LMCD1: variants seen among roughly 807,000 people sequenced by gnomAD.
The protein encoded by LMCD1 is LIM and cysteine-rich domains protein 1.
Under a neutral mutation model 42.7 loss-of-function variants are expected in LMCD1, and 32 were observed. That is an observed-to-expected ratio of 0.75 (90% CI 0.57 to 1.01). The LOEUF is 1.01. LMCD1 is among the 50% of genes least tolerant of loss of function. The pLI, the probability that LMCD1 is intolerant of heterozygous loss-of-function variation, is 0.00. For synonymous variants in LMCD1, 178 were observed against 184.9 expected, an observed-to-expected ratio of 0.96 and a Z score of 0.30; for missense variants, 458 against 483.1, an observed-to-expected ratio of 0.95 and a Z score of 0.49.
At position 8,565,641 on chromosome 3, in the gene LMCD1, C is replaced by T. The variant is rs904775344; in HGVS notation, c.933C>T (p.Cys311=). Residue 311 remains cysteine, a synonymous_variant, in exon 5 of 6, where the codon TGC becomes TGT. Transcript: ENST00000157600. ...CESLRPRCSG[C]DEIIFAEDYQ... ...GTCTGCGGCCCCGGTGCTCCGGCTG[C>T]GATGAGGTGGGAGATAGCCGCGAGA... 1.9e-5 allele frequency: 31 copies of T among 1,596,256 alleles called. No individual in the cohort carries two copies. Among genetic ancestry groups the T allele is most frequent in the Non-Finnish European group, 2.6e-5 (31 of 1,171,848 alleles).
chr3:8,543,011 A>G (rs1694656557), intron 3 of LMCD1, among the ~76,000 whole-genome samples: 1 of 152,224 alleles, frequency 6.6e-6, no homozygotes, highest in African/African-American at 2.4e-5. Flanking sequence ...GAGCCGAATC[A>G]GCCTGGATGG....
chr3:8,567,744 T>G lies in LMCD1; in HGVS notation c.*146T>G. 5.2e-5 allele frequency: 30 copies of G among 579,568 alleles called. No homozygotes were observed. Among genetic ancestry groups the G allele is most frequent in the Non-Finnish European group, 7.5e-5 (27 of 361,154 alleles). 35.9% of individuals were successfully genotyped at this position (579,568 alleles called of 1,614,324 possible). On this transcript the variant is annotated 3_prime_UTR_variant, in exon 6 of 6. Transcript: ENST00000157600. Reference sequence around the variant, plus strand: ...TTTCAGTGAGAATATATATATGAGATATATATAGATATATATTCTAGGTTG... The same window carrying G: ...TTTCAGTGAGAATATATATATGAGAGATATATAGATATATATTCTAGGTTG...
chr3:8,536,701 G>C (rs943592248), intron 2 of LMCD1, among the ~76,000 whole-genome samples: 1 of 152,130 alleles, frequency 6.6e-6, no homozygotes, highest in Admixed American at 6.5e-5. Context: ...CATATTTTAG[G>C]CTTTGTAAGC....
At chr3:8,510,432 T>C (rs750011451) in intron 1 of LMCD1, among the ~76,000 whole-genome samples, 6 of 152,214 alleles carry the variant, frequency 3.9e-5, no homozygotes, top group Non-Finnish European at 8.8e-5. Context: ...TGTTAGTGAA[T>C]AGAGGACAGC....
Position 8,547,360 on chromosome 3 carries a change from C to T in LMCD1, c.388-1208C>T, listed in dbSNP as rs187538102. Among the ~76,000 whole-genome samples, 623 of 152,322 alleles carry T rather than the reference C, an allele frequency of 4.1e-3. 4 individuals are homozygous for T. Among genetic ancestry groups the T allele is most frequent in the Middle Eastern group, 6.8e-3 (2 of 294 alleles). ...AAATAGCATTTAAATACATTAAGTA[C>T]AACCCTACTTGTTATTTGTTCCAGG... On this transcript the variant is annotated intron_variant, in intron 3 of 5. Transcript: ENST00000157600.
intron 1 of LMCD1, among the ~76,000 whole-genome samples, chr3:8,509,119 T>C (rs761007646): frequency 1.3e-4 from 20 of 152,238 alleles, no homozygotes; most frequent in Non-Finnish European, 2.5e-4. Context: ...ATAAAGTGCC[T>C]GGATACATAA....
rs1695265404 is a variant in LMCD1 at position 8,574,218 on chromosome 3, T to A, written c.*6620T>A. 6.6e-6 allele frequency: 1 copy of A among 152,220 alleles called. No individual in the cohort carries two copies. The highest frequency in any genetic ancestry group is 6.5e-5 in the Admixed American group (1 of 15,270). The allele number at this position is 152,220 out of a possible 1,614,324, so 9.4% of individuals were successfully genotyped here. A position where few individuals can be genotyped will look rare whatever the true frequency, so the allele number is the denominator to read the frequency against. Reference sequence around the variant, plus strand: ...ACTTTGATCAGCCAACAAGGGTCAGTCCTATGCTTATCCCTTGACCAATCT... The same window carrying A: ...ACTTTGATCAGCCAACAAGGGTCAGACCTATGCTTATCCCTTGACCAATCT... On this transcript the variant is annotated 3_prime_UTR_variant, in exon 6 of 6. Coordinates refer to ENST00000157600, the MANE Select transcript of LMCD1 (RefSeq NM_014583.4).
chr3:8,569,946 C>T lies in LMCD1; in HGVS notation c.*2348C>T. On this transcript the variant is annotated 3_prime_UTR_variant, in exon 6 of 6. Coordinates refer to ENST00000157600, the MANE Select transcript of LMCD1 (RefSeq NM_014583.4). ...AGTGAGCTGTGATCATGCCACAGCA[C>T]TCCAGCCTGGGTGACAGAGTGAGAC... The T allele has an allele frequency of 6.3e-6, 1 of 157,764 alleles. No homozygotes were observed. The allele number at this position is 157,764 out of a possible 1,614,324, so 9.8% of individuals were successfully genotyped here.
chr3:8,537,435 A>C lies in LMCD1; in HGVS notation c.382A>C (p.Lys128Gln), dbSNP rs1163656782. 2 of 1,578,370 alleles carry C rather than the reference A, an allele frequency of 1.3e-6. No individual in the cohort carries two copies. Residue 128 changes from lysine to glutamine, a missense_variant, in exon 3 of 6, where the codon AAA (lysine) becomes CAA (glutamine). By Grantham distance (53) the Lys-to-Gln change is moderately conservative (BLOSUM62 1). Transcript: ENST00000157600. The part of the protein sequence containing the change: ...YEWAPPGVTQ[K>Q]LGLQYMELIP... ...GTGGGCTCCCCCTGGAGTCACCCAG[A>C]AACTGGTAAGAGAGCTTCCCCAACC...
intron 1 of LMCD1, among the ~76,000 whole-genome samples, chr3:8,511,850 A>G (rs865977632): frequency 1.3e-5 from 2 of 152,126 alleles, no homozygotes; most frequent in Admixed American, 6.5e-5. Flanking sequence ...GCACATAGAA[A>G]ACTTCTCATG....
At chr3:8,513,930 G>A (rs577944745) in intron 1 of LMCD1, among the ~76,000 whole-genome samples, 1 of 152,228 alleles carries the variant, frequency 6.6e-6, no homozygotes, top group Non-Finnish European at 1.5e-5. Flanking sequence ...CTGATCCCCA[G>A]ACAAACCCTG....
chr3:8,543,436 TAGATAGACAGAC>T (rs1694672386), intron 3 of LMCD1, among the ~76,000 whole-genome samples: 5 of 136,772 alleles, frequency 3.7e-5, no homozygotes, highest in Admixed American at 7.1e-5. Context: ...GATAGATAGA[TAGATAGACAGAC>T]AGACAGAGAG....
intron 1 of LMCD1, among the ~76,000 whole-genome samples, chr3:8,528,822 G>T (rs535846432): frequency 6.6e-6 from 1 of 152,078 alleles, no homozygotes; most frequent in Non-Finnish European, 1.5e-5. Context: ...TGAGAGAGGA[G>T]TCCCAGAGTT....
chr3:8,525,971 T>C (rs1694292410), intron 1 of LMCD1, among the ~76,000 whole-genome samples: 1 of 152,214 alleles, frequency 6.6e-6, no homozygotes, highest in Non-Finnish European at 1.5e-5. Flanking sequence ...AGCCCCTCGA[T>C]ACTCAAAGCG....
chr3:8,532,624 C>A, intron 1 of LMCD1, 113 bp from the exon 2 acceptor site: 1 of 807,694 alleles, frequency 1.2e-6, no homozygotes, highest in Non-Finnish European at 2.1e-6. Context: ...TGATCTCAAG[C>A]CCTTTGAACC....
chr3:8,534,208 C>G lies in LMCD1; in HGVS notation c.131+1383C>G, dbSNP rs146562228. On this transcript the variant is annotated intron_variant, in intron 2 of 5. Transcript: ENST00000157600. ...AGGGGAAAATGTTATCTAAATGCAC[C>G]CACCGAGTCAATTCAATCAGTTTTC... Among the ~76,000 whole-genome samples the G allele has an allele frequency of 6.1e-3, 925 of 151,634 alleles. 5 individuals carry two copies. Among genetic ancestry groups the G allele is most frequent in the Non-Finnish European group, 9.5e-3 (644 of 67,898 alleles).
At chr3:8,543,332 G>A (rs1338105706) in intron 3 of LMCD1, among the ~76,000 whole-genome samples, 1 of 151,876 alleles carries the variant, frequency 6.6e-6, no homozygotes, top group Non-Finnish European at 1.5e-5. Flanking sequence ...CCCAACCCTG[G>A]GGTATCCTGT....
intron 1 of LMCD1, among the ~76,000 whole-genome samples, chr3:8,531,626 C>T (rs912031313): frequency 6.6e-6 from 1 of 152,182 alleles, no homozygotes; most frequent in African/African-American, 2.4e-5. Flanking sequence ...TCTTTTACTA[C>T]ACAACATGCA....
At chr3:8,524,975 G>A (rs953729323) in intron 1 of LMCD1, among the ~76,000 whole-genome samples, 3 of 152,148 alleles carry the variant, frequency 2.0e-5, no homozygotes, top group Admixed American at 6.5e-5. Context: ...GTGGGCCACC[G>A]AGCCTAGCCC....
Sources: gnomAD v4.1 joint callset for allele counts (sites outside exome capture counted in the v4.1 genomes callset) on GRCh38, gnomAD v4.1.1 for gene constraint, MANE v1.5 for transcripts, NCBI Gene and HGNC (gene_info 2026-07-23, HGNC 2026-07-21) for gene names.